Variants in CDH8 observed in about 807,000 individuals in gnomAD.
The protein encoded by CDH8 is cadherin 8.
In CDH8, 17 loss-of-function variants were observed where a neutral mutation model predicts 68.1. The ratio of observed to expected loss-of-function variants is 0.25; its 90% CI spans 0.17 to 0.37. The LOEUF is 0.37. CDH8 is among the 10% of genes least tolerant of loss of function. The pLI, the probability that CDH8 is intolerant of heterozygous loss-of-function variation, is 1.00. For missense variants in CDH8, 763 were observed against 999.3 expected, an observed-to-expected ratio of 0.76 and a Z score of 3.19; for synonymous variants, 372 against 365.1, an observed-to-expected ratio of 1.02 and a Z score of -0.21.
In CDH8 at chr16:62,028,365, G is replaced by A. The variant is rs569949329; in HGVS notation, c.-199-6763C>T. The stretch of plus-strand genomic sequence containing the variant: ...TTACAGACGTGAGCCACCGCGACCG[G>A]CCTCAAATCCACTTTTTGCTCTGTT... On this transcript the variant is annotated intron_variant, in intron 1 of 11. Coordinates refer to ENST00000577390, the MANE Select transcript of CDH8 (RefSeq NM_001796.5). 3.4e-3 allele frequency among the ~76,000 whole-genome samples: 521 copies of A among 152,030 alleles called. 2 individuals carry two copies. Among genetic ancestry groups the A allele is most frequent in the Non-Finnish European group, 6.2e-3 (419 of 67,992 alleles).
At chr16:61,900,613 T>A (rs148914737) in intron 3 of CDH8, among the ~76,000 whole-genome samples, 3 of 152,142 alleles carry the variant, frequency 2.0e-5, no homozygotes, top group Admixed American at 6.5e-5. Flanking sequence ...CTCAGAAAAA[T>A]TGAGAGTGGG....
intron 10 of CDH8, among the ~76,000 whole-genome samples, chr16:61,668,177 A>T (rs1349088621): frequency 2.0e-5 from 3 of 152,022 alleles, no homozygotes; most frequent in Admixed American, 2.0e-4. Context: ...GTAACGGAGC[A>T]TAGCATACCA....
At chr16:61,718,025 G>A in intron 9 of CDH8, among the ~76,000 whole-genome samples, 1 of 151,346 alleles carries the variant, frequency 6.6e-6, no homozygotes, top group East Asian at 1.9e-4. Context: ...ACGTATGTGT[G>A]AGTGTGTATA....
At chr16:61,801,729 C>T (rs367951998) in intron 7 of CDH8, among the ~76,000 whole-genome samples, 728 of 152,320 alleles carry the variant, frequency 4.8e-3, no homozygotes, top group South Asian at 0.022. Context: ...AATCGGGTCA[C>T]TCCCACCCGA....
intron 4 of CDH8, among the ~76,000 whole-genome samples, chr16:61,852,897 T>TCCTTCCTTCCTTCCTTCCTTCCTTCCTTC (rs149266274): frequency 8.3e-6 from 1 of 121,208 alleles, no homozygotes; most frequent in African/African-American, 3.6e-5. Context: ...TTCCTTCCAT[T>TCCTTCCTTCCTTCCTTCCTTCCTTCCTTC]CTTCCTTCCT....
chr16:61,999,549 T>C (rs1380917557), intron 2 of CDH8, among the ~76,000 whole-genome samples: 2 of 152,194 alleles, frequency 1.3e-5, no homozygotes, highest in African/African-American at 2.4e-5. Flanking sequence ...ACCTAACCTC[T>C]TGCAGTGTAT....
chr16:61,671,316 G>T (rs1018205953), intron 10 of CDH8, among the ~76,000 whole-genome samples: 1 of 151,960 alleles, frequency 6.6e-6, no homozygotes, highest in African/African-American at 2.4e-5. Flanking sequence ...TTAGGTGTTA[G>T]CAGTGGTTAA....
chr16:61,752,200 C>T (rs1960185876), intron 8 of CDH8, among the ~76,000 whole-genome samples: 1 of 152,070 alleles, frequency 6.6e-6, no homozygotes, highest in South Asian at 2.1e-4. Flanking sequence ...TCAGCAAAGA[C>T]TTGAAAACAA....
At chr16:61,668,181 CA>C (rs1963717969) in intron 10 of CDH8, among the ~76,000 whole-genome samples, 1 of 151,938 alleles carries the variant, frequency 6.6e-6, no homozygotes, top group Non-Finnish European at 1.5e-5. Flanking sequence ...CGGAGCATAG[CA>C]TACCATAACA....
chr16:61,687,563 C>T (rs1226194975), intron 10 of CDH8, among the ~76,000 whole-genome samples: 1 of 151,974 alleles, frequency 6.6e-6, no homozygotes, highest in Non-Finnish European at 1.5e-5. Flanking sequence ...TTTAAATATA[C>T]TACAAGATGA....
intron 8 of CDH8, among the ~76,000 whole-genome samples, chr16:61,775,799 A>G (rs1267282505): frequency 1.3e-5 from 2 of 152,110 alleles, no homozygotes; most frequent in Non-Finnish European, 2.9e-5. Flanking sequence ...GTCCCATATA[A>G]GCCATCAGCT....
intron 2 of CDH8, among the ~76,000 whole-genome samples, chr16:61,950,378 T>G (rs1964874343): frequency 6.6e-6 from 1 of 152,176 alleles, no homozygotes; most frequent in South Asian, 2.1e-4. Flanking sequence ...TAGATTTTAC[T>G]CTATTTACCG....
At chr16:61,977,776 G>T (rs1965463722) in intron 2 of CDH8, among the ~76,000 whole-genome samples, 1 of 152,106 alleles carries the variant, frequency 6.6e-6, no homozygotes, top group African/African-American at 2.4e-5. Flanking sequence ...GATAAACGAT[G>T]TCCAAACTGT....
At chr16:61,895,224 T>C (rs774979655) in intron 3 of CDH8, among the ~76,000 whole-genome samples, 3 of 152,078 alleles carry the variant, frequency 2.0e-5, no homozygotes, top group Non-Finnish European at 4.4e-5. Context: ...ATTATAAACA[T>C]GCTGCAGAAT....
At chr16:61,706,543 C>T (rs1335326673) in intron 10 of CDH8, among the ~76,000 whole-genome samples, 7 of 147,982 alleles carry the variant, frequency 4.7e-5, no homozygotes, top group African/African-American at 1.2e-4. Context: ...ATGGCGTGAA[C>T]GCCGGAAGCG....
chr16:62,027,928 T>C (rs1276512428), intron 1 of CDH8, among the ~76,000 whole-genome samples: 1 of 152,162 alleles, frequency 6.6e-6, no homozygotes, highest in Non-Finnish European at 1.5e-5. Flanking sequence ...TATTATTTTG[T>C]GTATCCTTCA....
intron 2 of CDH8, among the ~76,000 whole-genome samples, chr16:61,902,734 A>G (rs1376195470): frequency 1.3e-5 from 2 of 152,206 alleles, no homozygotes; most frequent in Admixed American, 6.5e-5. Flanking sequence ...AGAAAGGCTT[A>G]TAAAAAAGAC....
At chr16:61,891,077 T>A (rs114673976) in intron 3 of CDH8, among the ~76,000 whole-genome samples, 11,219 of 151,728 alleles carry the variant, frequency 0.074, 489 homozygotes, top group South Asian at 0.1. Flanking sequence ...ATATATATAT[T>A]TTATACATAT....
intron 7 of CDH8, among the ~76,000 whole-genome samples, chr16:61,800,199 G>T (rs1961589017): frequency 6.6e-6 from 1 of 152,144 alleles, no homozygotes; most frequent in South Asian, 2.1e-4. Context: ...ATAATAATAG[G>T]ATAAACACAC....
Sources: allele counts gnomAD v4.1 joint callset (sites outside exome capture counted in the v4.1 genomes callset), GRCh38; gene constraint gnomAD v4.1.1; transcripts MANE v1.5; gene names NCBI Gene and HGNC (gene_info 2026-07-23, HGNC 2026-07-21).